Variants in SMC2 observed in about 807,000 individuals in gnomAD.
The protein encoded by SMC2 is structural maintenance of chromosomes protein 2.
SMC2 carries 41 observed loss-of-function variants against 142.6 expected under a neutral mutation model. The ratio of observed to expected loss-of-function variants is 0.29; its 90% CI spans 0.22 to 0.37. The LOEUF (loss-of-function observed/expected upper bound fraction) is 0.37. Ranked by LOEUF, SMC2 falls within the 10% of genes least tolerant of loss-of-function variation. The pLI, the probability that SMC2 is intolerant of heterozygous loss-of-function variation, is 1.00. For synonymous variants in SMC2, 463 were observed against 457.5 expected, an observed-to-expected ratio of 1.01 and a Z score of -0.15; for missense variants, 1,265 against 1,373.7, an observed-to-expected ratio of 0.92 and a Z score of 1.25.
intron 3 of SMC2, among the ~76,000 whole-genome samples, chr9:104,097,088 T>A (rs1449693902): frequency 1.3e-5 from 2 of 151,586 alleles, no homozygotes; most frequent in African/African-American, 4.8e-5. Flanking sequence ...GTGTTATTAA[T>A]ATAGTCAGGC....
intron 9 of SMC2, among the ~76,000 whole-genome samples, chr9:104,109,464 G>A (rs78582516): frequency 0.057 from 8,639 of 152,216 alleles, 659 homozygotes; most frequent in African/African-American, 0.18. Flanking sequence ...GGGCTACTGC[G>A]ATAATGTTCT....
chr9:104,109,653 C>T (rs1337995593), intron 9 of SMC2, among the ~76,000 whole-genome samples: 1 of 152,080 alleles, frequency 6.6e-6, no homozygotes, highest in African/African-American at 2.4e-5. Flanking sequence ...GACTTATTAG[C>T]AGATTTTTCT....
intron 3 of SMC2, 65 bp from the exon 4 acceptor site, chr9:104,098,381 C>T (rs1830705957): frequency 7.6e-7 from 1 of 1,322,390 alleles, no homozygotes; most frequent in Non-Finnish European, 1.0e-6. Flanking sequence ...AGCTAATATA[C>T]TTAGTTTATC....
chr9:104,126,550 T>G, intron 18 of SMC2, 91 bp from the exon 19 acceptor site: 438 of 920,890 alleles, frequency 4.8e-4, no homozygotes, highest in Non-Finnish European at 5.9e-4. Flanking sequence ...CTTACTTGCA[T>G]GAGATTATTA....
chr9:104,091,404 A>ATC (rs1829980189), upstream of SMC2, among the ~76,000 whole-genome samples: 1 of 151,756 alleles, frequency 6.6e-6, no homozygotes, highest in Non-Finnish European at 1.5e-5. Context: ...AACAGGAATT[A>ATC]TCCATTATAA....
rs1319016324 is a variant in SMC2 at position 104,140,475 on chromosome 9, A to AT, written c.*1166dup. ...TATTTTGGCCCCACATCTCTTCTTG[A>AT]TTTTTTAGTCTTATTTCCTTAGTGT... On this transcript the variant is annotated 3_prime_UTR_variant, in exon 25 of 25. Coordinates refer to ENST00000374793, the MANE Select transcript of SMC2 (RefSeq NM_006444.3). The AT allele has an allele frequency of 6.6e-5, 10 of 152,322 alleles. No homozygotes were observed. The highest frequency in any genetic ancestry group is 3.4e-3 in the Middle Eastern group (1 of 294). The allele number at this position is 152,322 out of a possible 1,614,324, so 9.4% of individuals were successfully genotyped here. A position where few individuals can be genotyped will look rare whatever the true frequency, so the allele number is the denominator to read the frequency against.
intron 8 of SMC2, 65 bp from the exon 9 acceptor site, chr9:104,102,359 T>G: frequency 7.0e-7 from 1 of 1,431,994 alleles, no homozygotes; most frequent in Non-Finnish European, 9.5e-7. Context: ...ACAGAACTCA[T>G]ACAATAAAAT....
At chr9:104,117,089 A>T (rs1376824950) in intron 14 of SMC2, among the ~76,000 whole-genome samples, 1 of 152,178 alleles carries the variant, frequency 6.6e-6, no homozygotes, top group Non-Finnish European at 1.5e-5. Context: ...TTCAAAATAC[A>T]GTTGTGTTGA....
chr9:104,134,599 A>T, intron 23 of SMC2, 24 bp downstream of exon 23: 3 of 1,470,406 alleles, frequency 2.0e-6, no homozygotes, highest in Non-Finnish European at 2.8e-6. Flanking sequence ...TTGCTATATT[A>T]TAATTTTCAT....
In SMC2 at chr9:104,139,423, T is replaced by G. The variant is rs533799568; in HGVS notation, c.*108T>G. The G allele has an allele frequency of 5.4e-4, 456 of 849,162 alleles. 3 individuals carry two copies. The East Asian group carries it at 0.01, about 19-fold the overall frequency. The allele number at this position is 849,162 out of a possible 1,614,324, so 52.6% of individuals were successfully genotyped here. On this transcript the variant is annotated 3_prime_UTR_variant, in exon 25 of 25. Coordinates refer to ENST00000374793, the MANE Select transcript of SMC2 (RefSeq NM_006444.3). Reference sequence around the variant, plus strand: ...CAAAAATTAATGTTACTGTGTTACTTAACCCATGTTTTCTCTTTATATAAT... The same window carrying G: ...CAAAAATTAATGTTACTGTGTTACTGAACCCATGTTTTCTCTTTATATAAT...
chr9:104,117,061 G>C (rs966598008), intron 14 of SMC2, among the ~76,000 whole-genome samples: 2 of 152,132 alleles, frequency 1.3e-5, no homozygotes, highest in African/African-American at 4.8e-5. Context: ...ACATTCAGAA[G>C]ATTTCAATGC....
Position 104,113,422 on chromosome 9 carries a change from TAA to T in SMC2, c.1365_1366del (p.Arg456ThrfsTer2). ...AAGGATCAAGAAGCTCTAGAAGCTGTAAAAAGACTTAAAGAAAAACTTGAAGC... is the reference window on the plus strand; with the variant it reads ...AAGGATCAAGAAGCTCTAGAAGCTGTAAAGACTTAAAGAAAAACTTGAAGC... On this transcript the variant is annotated frameshift_variant, in exon 11 of 25. Coordinates refer to ENST00000374793, the MANE Select transcript of SMC2 (RefSeq NM_006444.3). LOFTEE classifies it high-confidence loss of function. 6.2e-7 allele frequency: 1 copy of T among 1,604,980 alleles called. No individual in the cohort carries two copies. Among genetic ancestry groups the T allele is most frequent in the Non-Finnish European group, 8.5e-7 (1 of 1,176,474 alleles).
chr9:104,130,979 GAT>G (rs1834899605), intron 21 of SMC2, among the ~76,000 whole-genome samples: 1 of 151,976 alleles, frequency 6.6e-6, no homozygotes, highest in African/African-American at 2.4e-5. Flanking sequence ...GAAAAAATAA[GAT>G]AAAAATGTAG....
Position 104,124,933 on chromosome 9 carries a change from A to G in SMC2, c.2279A>G (p.Lys760Arg). 6.3e-7 allele frequency: 1 copy of G among 1,592,092 alleles called. No individual in the cohort carries two copies. The highest frequency in any genetic ancestry group is 8.5e-7 in the Non-Finnish European group (1 of 1,174,946). ...KTIEESEETL[K>R]NTKEIQRKAE... ...GCAGAGGAAAGTGAGGAGACTTTGA[A>G]AAACACTAAAGAAATCCAAAGAAAA... Residue 760 changes from lysine (K) to arginine (R), a missense_variant, in exon 18 of 25, where the codon AAA (lysine) becomes AGA (arginine). By Grantham distance (26) the Lys-to-Arg change is conservative. Around this residue, in one of 4 missense-constraint regions of SMC2, gnomAD observed 898 missense variants for 904.2 expected, o/e 0.99. Coordinates refer to ENST00000374793, the MANE Select transcript of SMC2 (RefSeq NM_006444.3).
intron 23 of SMC2, among the ~76,000 whole-genome samples, chr9:104,134,804 A>G (rs1835360817): frequency 6.6e-6 from 1 of 152,154 alleles, no homozygotes; most frequent in African/African-American, 2.4e-5. Context: ...CTATTTTCAA[A>G]TATTAGAAAA....
At chr9:104,108,439 G>A (rs1246893121) in intron 9 of SMC2, among the ~76,000 whole-genome samples, 3 of 152,146 alleles carry the variant, frequency 2.0e-5, no homozygotes, top group Non-Finnish European at 4.4e-5. Flanking sequence ...TAGATAGTGA[G>A]CCTCCTTTTC....
chr9:104,140,285 C>G lies in SMC2; in HGVS notation c.*970C>G, dbSNP rs1222981490. On this transcript the variant is annotated 3_prime_UTR_variant, in exon 25 of 25. Transcript: ENST00000374793. Reference sequence around the variant, plus strand: ...CAAAAGTTGGATGATTATTTGTCTTCCGCTTTCCAGTTCAAAGGGATGAAA... The same window carrying G: ...CAAAAGTTGGATGATTATTTGTCTTGCGCTTTCCAGTTCAAAGGGATGAAA... The G allele has an allele frequency of 1.3e-5, 2 of 152,074 alleles. No individual in the cohort carries two copies. The highest frequency in any genetic ancestry group is 2.4e-5 in the African/African-American group (1 of 41,404). The allele number at this position is 152,074 out of a possible 1,614,324, so 9.4% of individuals were successfully genotyped here.
At position 104,124,998 on chromosome 9, in the gene SMC2, A is replaced by C. The variant is rs762832036; in HGVS notation, c.2344A>C (p.Asn782His). 3 of 1,605,712 alleles carry C rather than the reference A, an allele frequency of 1.9e-6. No individual in the cohort carries two copies. Among genetic ancestry groups the C allele is most frequent in the Non-Finnish European group, 2.5e-6 (3 of 1,178,108 alleles). ...TGAAGTATTGGAAAATAAAATGAAAAATGCAGAAGCTGAAAGAGAGCGAGA... is the reference window on the plus strand; with the variant it reads ...TGAAGTATTGGAAAATAAAATGAAACATGCAGAAGCTGAAAGAGAGCGAGA... ...KYEVLENKMK[N>H]AEAERERELK... The change falls in exon 18 of 25, where the codon AAT becomes CAT. Residue 782 changes from asparagine (N) to histidine (H), a missense_variant. This residue lies in a region of SMC2 where 898 missense variants were observed against 904.2 expected (regional missense o/e 0.99). Transcript: ENST00000374793.
Position 104,138,146 on chromosome 9 carries a change from C to T in SMC2, c.3398C>T (p.Thr1133Ile). Residue 1133 changes from threonine to isoleucine, a missense_variant, in exon 24 of 25, where the codon ACT becomes ATT. By Grantham distance (89) the Thr-to-Ile change is moderately conservative. Around this residue, in one of 4 missense-constraint regions of SMC2, gnomAD observed 192 missense variants for 261.9 expected, o/e 0.73. Coordinates refer to ENST00000374793, the MANE Select transcript of SMC2 (RefSeq NM_006444.3). ...CAAAACATTGGACAGATGCTGCGTACTCATTTCACACATTCTCAGGTAAGA... is the reference window on the plus strand; with the variant it reads ...CAAAACATTGGACAGATGCTGCGTATTCATTTCACACATTCTCAGGTAAGA... ...HTQNIGQMLR[T>I]HFTHSQFIVV... The T allele has an allele frequency of 6.2e-7, 1 of 1,603,544 alleles. No individual in the cohort carries two copies. The highest frequency in any genetic ancestry group is 8.5e-7 in the Non-Finnish European group (1 of 1,173,282).
Sources: allele counts gnomAD v4.1 joint callset (sites outside exome capture counted in the v4.1 genomes callset), GRCh38; gene constraint gnomAD v4.1.1; regional missense constraint gnomAD v4.1.1; transcripts MANE v1.5; gene names NCBI Gene and HGNC (gene_info 2026-07-23, HGNC 2026-07-21).